RNF115: variants seen among roughly 807,000 people sequenced by gnomAD.
The protein encoded by RNF115 is ring finger protein 115, also known as E3 ubiquitin-protein ligase RNF115.
Under a neutral mutation model 39.2 loss-of-function variants are expected in RNF115, and 31 were observed. The observed-to-expected ratio is 0.79, with a 90% confidence interval of 0.59 to 1.07. RNF115 has a LOEUF of 1.07. Among genes scored for constraint, RNF115 ranks in the 50% least tolerant of loss-of-function variants. RNF115 has a pLI of 0.00. For missense variants in RNF115, 384 were observed against 381.7 expected, an observed-to-expected ratio of 1.01 and a Z score of -0.05; for synonymous variants, 124 against 131.0, an observed-to-expected ratio of 0.95 and a Z score of 0.37.
intron 1 of RNF115, among the ~76,000 whole-genome samples, chr1:145,803,355 C>T (rs1649331576): frequency 6.6e-6 from 1 of 152,048 alleles, no homozygotes; most frequent in African/African-American, 2.4e-5. Flanking sequence ...TGGTTTCATC[C>T]CCCTAAGAAT....
At position 145,746,539 on chromosome 1, in the gene RNF115, G is replaced by A. The variant is rs782078286; in HGVS notation, c.*327C>T. The A allele has an allele frequency of 3.4e-4, 65 of 191,708 alleles. 1 individual carries two copies. Among genetic ancestry groups the A allele is most frequent in the Admixed American group, 1.2e-4 (2 of 16,562 alleles). 11.9% of individuals were successfully genotyped at this position (191,708 alleles called of 1,614,324 possible). Reference sequence around the variant, plus strand: ...GTTGGAGAAGGAGGTGGAAACATCCGTTACAAGGCAACATGACAGACAGCA... The same window carrying A: ...GTTGGAGAAGGAGGTGGAAACATCCATTACAAGGCAACATGACAGACAGCA... On this transcript the variant is annotated 3_prime_UTR_variant, in exon 9 of 9. Coordinates refer to ENST00000582693, the MANE Select transcript of RNF115 (RefSeq NM_014455.4).
intron 6 of RNF115, among the ~76,000 whole-genome samples, chr1:145,750,853 G>A (rs587627378): frequency 2.4e-4 from 36 of 152,220 alleles, no homozygotes; most frequent in Admixed American, 1.6e-3. Context: ...TCTTCTGGAA[G>A]AAGAAAAAAG....
chr1:145,793,783 T>G (rs1648797532), intron 1 of RNF115, among the ~76,000 whole-genome samples: 1 of 151,952 alleles, frequency 6.6e-6, no homozygotes, highest in Admixed American at 6.6e-5. Flanking sequence ...CTTGTGCCGC[T>G]GCTGCTACCT....
intron 1 of RNF115, among the ~76,000 whole-genome samples, chr1:145,803,337 T>C (rs1553721146): frequency 6.6e-6 from 1 of 152,182 alleles, no homozygotes; most frequent in African/African-American, 2.4e-5. Flanking sequence ...TAAAACTACC[T>C]TGATTTATGG....
intron 1 of RNF115, among the ~76,000 whole-genome samples, chr1:145,820,001 G>A (rs1553724189): frequency 4.7e-5 from 7 of 148,354 alleles, no homozygotes; most frequent in Non-Finnish European, 3.0e-5. Flanking sequence ...TCGTTCCACT[G>A]CACTCCAGCC....
At chr1:145,771,621 A>ATAAG in intron 4 of RNF115, 90 bp downstream of exon 4, 1 of 1,015,360 alleles carries the variant, frequency 9.8e-7, no homozygotes, top group Non-Finnish European at 1.5e-6. Flanking sequence ...CACAAAGGTA[A>ATAAG]TAAGTATGAG....
In RNF115 at chr1:145,802,421, T is replaced by C. The variant is rs587710444; in HGVS notation, c.103-13455A>G. Among the ~76,000 whole-genome samples the C allele has an allele frequency of 3.9e-5, 6 of 152,330 alleles. No individual in the cohort carries two copies. In the South Asian group the frequency reaches 1.2e-3, roughly 32 times the overall value. On this transcript the variant is annotated intron_variant, in intron 1 of 8. Coordinates refer to ENST00000582693, the MANE Select transcript of RNF115 (RefSeq NM_014455.4). ...TGCCTCCCGTATTTCAAAGGATTAG[T>C]TATCACAATACGTGACACCTTAGAG... is the stretch of plus-strand genomic sequence containing the variant.
intron 1 of RNF115, among the ~76,000 whole-genome samples, chr1:145,792,516 C>G (rs1263615167): frequency 6.6e-6 from 1 of 152,064 alleles, no homozygotes; most frequent in African/African-American, 2.4e-5. Context: ...AAAAAAATCC[C>G]TCATGTCAAA....
intron 4 of RNF115, among the ~76,000 whole-genome samples, chr1:145,757,220 T>C (rs587602493): frequency 1.9e-3 from 290 of 152,244 alleles, no homozygotes; most frequent in African/African-American, 6.8e-3. Flanking sequence ...TGACTACATC[T>C]GTAATGACCC....
rs797025225 is a variant in RNF115 at position 145,739,912 on chromosome 1, C to T, written c.*6954G>A. Reference sequence around the variant, plus strand: ...GGTTTTGAGATGCTATTTCTGTTTACCTATCTGTAAAAAGGGATATTGCCT... The same window carrying T: ...GGTTTTGAGATGCTATTTCTGTTTATCTATCTGTAAAAAGGGATATTGCCT... On this transcript the variant is annotated 3_prime_UTR_variant, in exon 9 of 9. Coordinates refer to ENST00000582693, the MANE Select transcript of RNF115 (RefSeq NM_014455.4). 3 of 152,288 alleles carry T rather than the reference C, an allele frequency of 2.0e-5. No individual in the cohort carries two copies. Among genetic ancestry groups the T allele is most frequent in the African/African-American group, 7.2e-5 (3 of 41,552 alleles). 9.4% of individuals were successfully genotyped at this position (152,288 alleles called of 1,614,324 possible). A position where few individuals can be genotyped will look rare whatever the true frequency, so the allele number is the denominator to read the frequency against.
intron 3 of RNF115, among the ~76,000 whole-genome samples, chr1:145,779,749 G>A (rs1391977056): frequency 6.6e-6 from 1 of 151,960 alleles, no homozygotes; most frequent in South Asian, 2.1e-4. Flanking sequence ...TGCAACCTCC[G>A]CCTCCTGGGT....
intron 4 of RNF115, among the ~76,000 whole-genome samples, chr1:145,754,509 A>C (rs367953607): frequency 1.3e-5 from 2 of 152,146 alleles, no homozygotes; most frequent in African/African-American, 4.8e-5. Context: ...GCACACCACC[A>C]CGCCTGGCTA....
intron 4 of RNF115, among the ~76,000 whole-genome samples, chr1:145,756,100 C>A (rs1658283981): frequency 6.6e-6 from 1 of 152,096 alleles, no homozygotes; most frequent in Non-Finnish European, 1.5e-5. Context: ...AAGATCGAAT[C>A]CAAGGCACTG....
intron 4 of RNF115, among the ~76,000 whole-genome samples, chr1:145,761,094 G>A (rs999261485): frequency 2.6e-5 from 4 of 152,178 alleles, no homozygotes; most frequent in Non-Finnish European, 4.4e-5. Flanking sequence ...ATATCTGGTG[G>A]AAGAAACTTC....
At chr1:145,757,763 C>A (rs762549034) in intron 4 of RNF115, among the ~76,000 whole-genome samples, 1 of 152,040 alleles carries the variant, frequency 6.6e-6, no homozygotes, top group Non-Finnish European at 1.5e-5. Context: ...AATCTCTATA[C>A]CTGTTCAGAA....
intron 4 of RNF115, among the ~76,000 whole-genome samples, chr1:145,767,701 G>A (rs958707742): frequency 2.0e-5 from 3 of 152,168 alleles, no homozygotes; most frequent in East Asian, 3.8e-4. Context: ...CTGAGTGAAC[G>A]CAACTCCGTC....
Position 145,744,277 on chromosome 1 carries a change from C to T in RNF115, c.*2589G>A, listed in dbSNP as rs1361477907. The T allele has an allele frequency of 6.6e-6, 1 of 152,316 alleles. No homozygotes were observed. Among genetic ancestry groups the T allele is most frequent in the Non-Finnish European group, 1.5e-5 (1 of 68,052 alleles). 9.4% of individuals were successfully genotyped at this position (152,316 alleles called of 1,614,324 possible). A position where few individuals can be genotyped will look rare whatever the true frequency, so the allele number is the denominator to read the frequency against. ...CAAGTTCAACATAGCCTTCCTCCAT[C>T]TAAGTAGTGGCCAAATATTCATAAT... is the stretch of plus-strand genomic sequence containing the variant. On this transcript the variant is annotated 3_prime_UTR_variant, in exon 9 of 9. Coordinates refer to ENST00000582693, the MANE Select transcript of RNF115 (RefSeq NM_014455.4).
rs1349008357 is a variant in RNF115 at position 145,742,683 on chromosome 1, T to TA, written c.*4182dup. ...GCATACACGTGTTTGTCTGTGAATA[T>TA]ATAAATATCTCTATTTACACATATA... On this transcript the variant is annotated 3_prime_UTR_variant, in exon 9 of 9. Coordinates refer to ENST00000582693, the MANE Select transcript of RNF115 (RefSeq NM_014455.4). 3.3e-5 allele frequency: 5 copies of TA among 152,234 alleles called. No individual in the cohort carries two copies. The highest frequency in any genetic ancestry group is 1.2e-4 in the African/African-American group (5 of 41,458). The allele number at this position is 152,234 out of a possible 1,614,324, so 9.4% of individuals were successfully genotyped here. A position where few individuals can be genotyped will look rare whatever the true frequency, so the allele number is the denominator to read the frequency against.
chr1:145,816,070 GTT>G (rs199930000), intron 1 of RNF115, among the ~76,000 whole-genome samples: 2 of 32,400 alleles, frequency 6.2e-5, no homozygotes, highest in Admixed American at 3.5e-4. Context: ...TTTTTGAATG[GTT>G]TTTTTTTTTT....
Sources: allele counts gnomAD v4.1 joint callset (sites outside exome capture counted in the v4.1 genomes callset), GRCh38; gene constraint gnomAD v4.1.1; transcripts MANE v1.5; gene names NCBI Gene and HGNC (gene_info 2026-07-23, HGNC 2026-07-21).